Variants in PARM1 observed in about 807,000 individuals in gnomAD.
The protein encoded by PARM1 is prostate androgen-regulated mucin-like protein 1.
PARM1 carries 14 observed loss-of-function variants against 24.6 expected under a neutral mutation model. The ratio of observed to expected loss-of-function variants is 0.57; its 90% CI spans 0.38 to 0.89. PARM1 has a LOEUF of 0.89. Ranked by LOEUF, PARM1 falls within the 40% of genes least tolerant of loss-of-function variation. The probability of loss-of-function intolerance (pLI) is 0.00; values close to 1 mark genes in which losing one functional copy is unlikely to be tolerated. For synonymous variants in PARM1, 179 were observed against 156.6 expected (o/e 1.14, Z -1.07); for missense variants, 362 against 380.4 (o/e 0.95, Z 0.40).
rs566498844 is a variant in PARM1, at chr4:75,020,717, C to G, written c.769+7567C>G. ...ACAACCCTCCCCTCGCTCTCTGCAC[C>G]ACCCACACTGGCTGTCTCTCAGTTC... On this transcript the variant is annotated intron_variant, in intron 2 of 3. Transcript: ENST00000307428. Among the ~76,000 whole-genome samples, 260 of 152,294 alleles carry G rather than the reference C, an allele frequency of 1.7e-3. 1 individual carries two copies. The highest frequency in any genetic ancestry group is 6.1e-3 in the African/African-American group (253 of 41,556).
intron 1 of PARM1, chr4:74,997,711 A>G (rs1426797000): frequency 6.6e-6 from 1 of 152,230 alleles, no homozygotes; most frequent in African/African-American, 2.4e-5. Flanking sequence ...CACCTTTAAA[A>G]TAAAGCCATG....
chr4:75,040,308 T>C (rs1723457081), intron 3 of PARM1, among the ~76,000 whole-genome samples: 1 of 152,202 alleles, frequency 6.6e-6, no homozygotes, highest in Admixed American at 6.5e-5. Flanking sequence ...CTGTGATGAT[T>C]GTCTTCCAAT....
At chr4:74,955,846 T>TA (rs1721619654) in intron 1 of PARM1, 1 of 152,210 alleles carries the variant, frequency 6.6e-6, no homozygotes, top group South Asian at 2.1e-4. Context: ...CTTTTTCCAT[T>TA]ACAGTCCATT....
intron 3 of PARM1, among the ~76,000 whole-genome samples, chr4:75,036,575 TGATA>T (rs1210252314): frequency 2.0e-5 from 3 of 152,220 alleles, no homozygotes. Context: ...AGACAGTCCT[TGATA>T]GATAGCTGTA....
At chr4:74,957,504 G>A (rs139486390) in intron 1 of PARM1, 2 of 152,244 alleles carry the variant, frequency 1.3e-5, no homozygotes, top group African/African-American at 2.4e-5. Flanking sequence ...CTCTGATTTT[G>A]TTGTTTGATT....
At chr4:74,978,641 A>C (rs1272792286) in intron 1 of PARM1, among the ~76,000 whole-genome samples, 2 of 152,194 alleles carry the variant, frequency 1.3e-5, no homozygotes, top group African/African-American at 4.8e-5. Flanking sequence ...TTTCCACCCC[A>C]AAAATAATGG....
chr4:74,960,961 C>T (rs1365611273), intron 1 of PARM1, among the ~76,000 whole-genome samples: 6 of 150,192 alleles, frequency 4.0e-5, no homozygotes, highest in African/African-American at 7.4e-5. Flanking sequence ...GCCAAGATTG[C>T]GCCACTGCAC....
chr4:74,941,038 G>T (rs1429534510), intron 1 of PARM1, among the ~76,000 whole-genome samples: 1 of 152,218 alleles, frequency 6.6e-6, no homozygotes, highest in Admixed American at 6.5e-5. Context: ...GCCTTGAAAA[G>T]AGGCAAGTTA....
At position 75,050,074 on chromosome 4, in the gene PARM1, A is replaced by G. The variant is rs764225079; in HGVS notation, c.*3827A>G. On this transcript the variant is annotated 3_prime_UTR_variant, in exon 4 of 4. Coordinates refer to ENST00000307428, the MANE Select transcript of PARM1 (RefSeq NM_015393.4). ...ACATTTGTTGTAAGACATATTGCAT[A>G]CCAATTATAATTATATCAATTAAAG... 5 of 152,668 alleles carry G rather than the reference A, an allele frequency of 3.3e-5. No homozygotes were observed. Among genetic ancestry groups the G allele is most frequent in the Admixed American group, 2.0e-4 (3 of 15,300 alleles). 9.5% of individuals were successfully genotyped at this position (152,668 alleles called of 1,614,324 possible).
rs4133505 is a variant in PARM1, at chr4:75,049,866, C to T, written c.*3619C>T. The T allele has an allele frequency of 0.16, 20,916 of 132,756 alleles. 2,551 individuals carry two copies. Among genetic ancestry groups the T allele is most frequent in the African/African-American group, 0.35 (12,551 of 35,648 alleles). The allele number at this position is 132,756 out of a possible 1,614,324, so 8.2% of individuals were successfully genotyped here. A position where few individuals can be genotyped will look rare whatever the true frequency, so the allele number is the denominator to read the frequency against. On this transcript the variant is annotated 3_prime_UTR_variant, in exon 4 of 4. Coordinates refer to ENST00000307428, the MANE Select transcript of PARM1 (RefSeq NM_015393.4). ...TTCTTTGCCTTTAAGCCTTTTTTTT[C>T]TTTTTTTTTTTTTTGGCAAATGAAT...
At chr4:74,935,624 A>G (rs997915946) in intron 1 of PARM1, among the ~76,000 whole-genome samples, 1 of 152,152 alleles carries the variant, frequency 6.6e-6, no homozygotes, top group African/African-American at 2.4e-5. Flanking sequence ...TCCTCTAGCC[A>G]TAGGCTTCAA....
In PARM1 at chr4:74,958,988, G is replaced by T. The variant is rs115380909; in HGVS notation, c.43+25618G>T. The stretch of plus-strand genomic sequence containing the variant: ...TTTAAAGAAAAAGATCTAGAATAGG[G>T]CTATCCAACACAAAACTCTCTGTAA... On this transcript the variant is annotated intron_variant, in intron 1 of 3. Coordinates refer to ENST00000307428, the MANE Select transcript of PARM1 (RefSeq NM_015393.4). Among the ~76,000 whole-genome samples the T allele has an allele frequency of 4.6e-5, 7 of 152,216 alleles. No individual in the cohort carries two copies. In the South Asian group the frequency reaches 1.5e-3, roughly 32 times the overall value.
chr4:74,983,815 T>C (rs1486223677), intron 1 of PARM1, among the ~76,000 whole-genome samples: 2 of 152,220 alleles, frequency 1.3e-5, no homozygotes, highest in Admixed American at 6.5e-5. Flanking sequence ...TCAAAACTTC[T>C]TGTTGTCTTT....
intron 1 of PARM1, among the ~76,000 whole-genome samples, chr4:74,981,476 C>T (rs184175123): frequency 4.5e-4 from 68 of 152,188 alleles, no homozygotes; most frequent in Middle Eastern, 3.4e-3. Flanking sequence ...GGTCAAGAAA[C>T]GACAGATGCT....
chr4:75,017,737 G>A (rs28453071), intron 2 of PARM1, among the ~76,000 whole-genome samples: 4,556 of 152,238 alleles, frequency 0.03, 236 homozygotes, highest in African/African-American at 0.1. Context: ...GAAGATATGG[G>A]CTACACCCTG....
At chr4:75,027,495 C>T (rs903529756) in intron 2 of PARM1, among the ~76,000 whole-genome samples, 1 of 152,126 alleles carries the variant, frequency 6.6e-6, no homozygotes, top group African/African-American at 2.4e-5. Flanking sequence ...ACCTAGGTTG[C>T]AGTGTCTAAG....
chr4:74,936,715 A>G (rs1721200737), intron 1 of PARM1, among the ~76,000 whole-genome samples: 1 of 151,992 alleles, frequency 6.6e-6, no homozygotes, highest in South Asian at 2.1e-4. Context: ...TCGGACTCCC[A>G]AAGTGCTAGG....
At chr4:75,043,024 G>C (rs1723528850) in intron 3 of PARM1, among the ~76,000 whole-genome samples, 2 of 151,448 alleles carry the variant, frequency 1.3e-5, no homozygotes, top group Admixed American at 1.3e-4. Flanking sequence ...GTGTCTTACA[G>C]TATAGGAGAT....
intron 1 of PARM1, among the ~76,000 whole-genome samples, chr4:74,941,811 G>A (rs144479084): frequency 3.3e-5 from 5 of 152,258 alleles, no homozygotes; most frequent in Admixed American, 2.0e-4. Context: ...AGTGGTCTGG[G>A]GTTGCTTACT....
Sources: allele counts gnomAD v4.1 joint callset (sites outside exome capture counted in the v4.1 genomes callset), GRCh38; gene constraint gnomAD v4.1.1; transcripts MANE v1.5; gene names NCBI Gene and HGNC (gene_info 2026-07-23, HGNC 2026-07-21).